Variants in CSMD1 observed in about 807,000 individuals in gnomAD.
CSMD1 encodes CUB and sushi domain-containing protein 1.
In CSMD1, 213 loss-of-function variants were observed where a neutral mutation model predicts 417.5. The ratio of observed to expected loss-of-function variants is 0.51; its 90% confidence interval spans 0.46 to 0.57. The LOEUF is 0.57. CSMD1 is among the 20% of genes least tolerant of loss of function. CSMD1 has a pLI of 0.00. For missense variants in CSMD1, 6,923 were observed against 4,529.7 expected, an observed-to-expected ratio of 1.53 and a Z score of -15.17; for synonymous variants, 2,862 against 1,736.8, an observed-to-expected ratio of 1.65 and a Z score of -16.11.
At chr8:3,219,172 G>C (rs1798058396) in intron 29 of CSMD1, 83 bp downstream of exon 29, 1 of 1,134,810 alleles carries the variant, frequency 8.8e-7, no homozygotes, top group Non-Finnish European at 1.3e-6. Flanking sequence ...AAACAGACAA[G>C]CAAGATGTTA....
intron 1 of CSMD1, among the ~76,000 whole-genome samples, chr8:4,725,196 T>C (rs74997272): frequency 0.096 from 14,672 of 152,156 alleles, 760 homozygotes; most frequent in Middle Eastern, 0.17. Context: ...AGAATAAAGA[T>C]GAAAAGGTTA....
At chr8:3,655,325 C>G (rs759367243) in intron 7 of CSMD1, among the ~76,000 whole-genome samples, 1 of 152,130 alleles carries the variant, frequency 6.6e-6, no homozygotes, top group Non-Finnish European at 1.5e-5. Flanking sequence ...AAAATAATTC[C>G]CACATTGTTT....
chr8:4,319,035 A>G (rs1410034303), intron 3 of CSMD1, among the ~76,000 whole-genome samples: 1 of 152,160 alleles, frequency 6.6e-6, no homozygotes, highest in East Asian at 1.9e-4. Flanking sequence ...TGAAGGTACA[A>G]ACTCCTTGTT....
intron 26 of CSMD1, among the ~76,000 whole-genome samples, chr8:3,270,723 G>A (rs13272752): frequency 0.39 from 58,997 of 151,758 alleles, 11,483 homozygotes; most frequent in Admixed American, 0.42. Context: ...AACAGTGGAT[G>A]TAAAATAATC....
chr8:3,061,153 A>G (rs973937004), intron 49 of CSMD1, among the ~76,000 whole-genome samples: 2 of 152,202 alleles, frequency 1.3e-5, no homozygotes, highest in Non-Finnish European at 2.9e-5. Context: ...TATGACTCGG[A>G]CAATGTATAT....
At chr8:3,428,287 G>C (rs1403560297) in intron 12 of CSMD1, among the ~76,000 whole-genome samples, 1 of 152,190 alleles carries the variant, frequency 6.6e-6, no homozygotes, top group Non-Finnish European at 1.5e-5. Context: ...AAACGGCTCT[G>C]CAGCCAGAAC....
intron 52 of CSMD1, 92 bp downstream of exon 52, chr8:3,018,385 A>G: frequency 8.4e-7 from 1 of 1,197,538 alleles, no homozygotes; most frequent in Non-Finnish European, 1.2e-6. Context: ...GATTTAAGGC[A>G]TTATAGCAAG....
At chr8:3,409,244 T>G (rs937829401) in intron 13 of CSMD1, among the ~76,000 whole-genome samples, 179 bp downstream of exon 13, 1 of 152,230 alleles carries the variant, frequency 6.6e-6, no homozygotes, top group Non-Finnish European at 1.5e-5. Context: ...TTTTACTAAA[T>G]GAAGAAAGCA....
intron 5 of CSMD1, among the ~76,000 whole-genome samples, chr8:3,899,518 G>T (rs1046243653): frequency 6.6e-6 from 1 of 152,150 alleles, no homozygotes; most frequent in Non-Finnish European, 1.5e-5. Flanking sequence ...TTTGGATGCT[G>T]TCATAAGGAA....
At chr8:3,964,685 G>A (rs572093716) in intron 5 of CSMD1, among the ~76,000 whole-genome samples, 1 of 152,086 alleles carries the variant, frequency 6.6e-6, no homozygotes, top group South Asian at 2.1e-4. Flanking sequence ...CTTTTAAATG[G>A]ACCATAGTTA....
At chr8:4,082,075 G>C (rs117134494) in intron 3 of CSMD1, among the ~76,000 whole-genome samples, 1 of 152,060 alleles carries the variant, frequency 6.6e-6, no homozygotes, top group African/African-American at 2.4e-5. Context: ...ATTAATTGAT[G>C]AAGATTACTG....
chr8:3,024,206 TA>T (rs780243192), intron 51 of CSMD1, among the ~76,000 whole-genome samples: 2 of 150,178 alleles, frequency 1.3e-5, no homozygotes, highest in Non-Finnish European at 2.9e-5. Flanking sequence ...TAGAATGAAA[TA>T]AAAATGTGTT....
At chr8:4,721,957 T>C (rs1478875369) in intron 1 of CSMD1, among the ~76,000 whole-genome samples, 1 of 152,112 alleles carries the variant, frequency 6.6e-6, no homozygotes, top group African/African-American at 2.4e-5. Context: ...ATATCTATAA[T>C]CTTACAAAAA....
Position 4,584,189 on chromosome 8 carries a change from G to A in CSMD1, c.302+53153C>T, listed in dbSNP as rs146613574. Among the ~76,000 whole-genome samples, 253 of 152,106 alleles carry A rather than the reference G, an allele frequency of 1.7e-3. 7 individuals carry two copies. In the East Asian group the frequency reaches 0.041, roughly 25 times the overall value. On this transcript the variant is annotated intron_variant, in intron 2 of 69. Transcript: ENST00000635120. ...ACTGTAACACTCACTGCGACGGTCC[G>A]TGGCATCATTCTTGAAGCTAGTGAG... is the stretch of plus-strand genomic sequence containing the variant.
At chr8:4,663,138 C>T (rs1804706463) in intron 1 of CSMD1, among the ~76,000 whole-genome samples, 1 of 152,180 alleles carries the variant, frequency 6.6e-6, no homozygotes. Context: ...GAGAAGGGAT[C>T]TGTGTCATTT....
intron 1 of CSMD1, among the ~76,000 whole-genome samples, chr8:4,704,328 T>A (rs1807780660): frequency 1.3e-5 from 2 of 152,254 alleles, no homozygotes; most frequent in Non-Finnish European, 2.9e-5. Context: ...CTTACTGTAC[T>A]CACAAATCAG....
At chr8:3,673,530 T>C (rs547070750) in intron 7 of CSMD1, among the ~76,000 whole-genome samples, 3 of 152,304 alleles carry the variant, frequency 2.0e-5, no homozygotes, top group East Asian at 1.9e-4. Flanking sequence ...GAGAAAGTGT[T>C]TGCATCTTCA....
At chr8:3,358,999 C>A (rs1035247112) in intron 21 of CSMD1, among the ~76,000 whole-genome samples, 153 bp downstream of exon 21, 1 of 152,088 alleles carries the variant, frequency 6.6e-6, no homozygotes, top group African/African-American at 2.4e-5. Flanking sequence ...TTAGGCAGCT[C>A]CCCTCTCCCC....
At chr8:2,972,459 G>A (rs1563194674) in intron 57 of CSMD1, among the ~76,000 whole-genome samples, 1 of 152,034 alleles carries the variant, frequency 6.6e-6, no homozygotes, top group African/African-American at 2.4e-5. Context: ...TTCTAAATCG[G>A]GTTTTGAACT....
Sources: allele counts gnomAD v4.1 joint callset (sites outside exome capture counted in the v4.1 genomes callset), GRCh38; gene constraint gnomAD v4.1.1; transcripts MANE v1.5; gene names NCBI Gene and HGNC (gene_info 2026-07-23, HGNC 2026-07-21).